The following LAMC3 variants were observed in gnomAD, a reference collection of about 807,000 sequenced individuals.
The protein encoded by LAMC3 is laminin subunit gamma 3, also known as laminin subunit gamma-3.
Under a neutral mutation model 173.8 loss-of-function variants are expected in LAMC3, and 128 were observed. The observed-to-expected ratio is 0.74, with a 90% CI of 0.64 to 0.85. The LOEUF (loss-of-function observed/expected upper bound fraction) is 0.85, where lower values mean the gene tolerates loss of function less well. Among genes scored for constraint, LAMC3 ranks in the 40% least tolerant of loss-of-function variants. The probability of loss-of-function intolerance (pLI) is 0.00; values close to 1 mark genes in which losing one functional copy is unlikely to be tolerated. For missense variants in LAMC3, 2,022 were observed against 2,156.0 expected, an observed-to-expected ratio of 0.94 and a Z score of 1.23; for synonymous variants, 897 against 909.1, an observed-to-expected ratio of 0.99 and a Z score of 0.24.
intron 16 of LAMC3, 78 bp downstream of exon 16, chr9:131,069,128 A>G: frequency 6.6e-7 from 1 of 1,514,336 alleles, no homozygotes. Context: ...CTGATGGGGA[A>G]AATGGGCGCA....
chr9:131,032,910 T>C (rs911193199), intron 3 of LAMC3, among the ~76,000 whole-genome samples: 2 of 152,202 alleles, frequency 1.3e-5, no homozygotes, highest in Admixed American at 6.5e-5. Flanking sequence ...TCAGGTGATC[T>C]GCCCGCCTTG....
chr9:131,054,454 A>G (rs1187808828), intron 11 of LAMC3, among the ~76,000 whole-genome samples: 1 of 152,184 alleles, frequency 6.6e-6, no homozygotes, highest in Non-Finnish European at 1.5e-5. Flanking sequence ...TTTTAAAAAC[A>G]TAGAAATGTG....
intron 23 of LAMC3, among the ~76,000 whole-genome samples, chr9:131,081,661 G>C (rs926804593): frequency 2.6e-5 from 4 of 152,142 alleles, no homozygotes; most frequent in Non-Finnish European, 4.4e-5. Context: ...TTTTAGTAGA[G>C]ACAGGGTTTC....
At chr9:131,017,349 C>T (rs1833541175) in intron 1 of LAMC3, among the ~76,000 whole-genome samples, 2 of 152,254 alleles carry the variant, frequency 1.3e-5, no homozygotes, top group Admixed American at 6.5e-5. Flanking sequence ...GGAAACATCC[C>T]GGCTTTTCTG....
At chr9:131,056,268 A>G (rs572785835) in intron 11 of LAMC3, among the ~76,000 whole-genome samples, 1 of 152,284 alleles carries the variant, frequency 6.6e-6, no homozygotes, top group East Asian at 1.9e-4. Context: ...GCCTAAATGT[A>G]GCATTCAGTT....
chr9:131,056,048 T>C (rs35739470), intron 11 of LAMC3, among the ~76,000 whole-genome samples: 110,417 of 151,268 alleles, frequency 0.73, 40,752 homozygotes, highest in African/African-American at 0.84. Flanking sequence ...TTTAAAAAAT[T>C]AGCTGGGTGT....
intron 6 of LAMC3, among the ~76,000 whole-genome samples, chr9:131,039,476 T>G (rs1588146350): frequency 1.3e-5 from 2 of 150,800 alleles, no homozygotes; most frequent in East Asian, 2.0e-4. Context: ...ATCTTGCAGG[T>G]GGAGGGCAGG....
intron 20 of LAMC3, among the ~76,000 whole-genome samples, chr9:131,073,929 T>C (rs982631158): frequency 5.4e-5 from 8 of 148,990 alleles, no homozygotes; most frequent in African/African-American, 1.2e-4. Context: ...TGTTTTCTTT[T>C]TTTTCTTTTC....
At chr9:131,043,365 G>A (rs138762795) in intron 7 of LAMC3, among the ~76,000 whole-genome samples, 1 of 152,298 alleles carries the variant, frequency 6.6e-6, no homozygotes, top group East Asian at 1.9e-4. Context: ...GCTGCTTGGA[G>A]AAGTGGCAGA....
chr9:131,052,529 C>T lies in LAMC3; in HGVS notation c.1669C>T (p.Pro557Ser). The change falls in exon 10 of 28, where the codon CCC becomes TCC. Residue 557 changes from proline to serine, a missense_variant. Transcript: ENST00000361069. ...AGACCAGCGGTTCAGCTATGGGCAG[C>T]CCCTCATACTGACCTTCCGGGTGCC... is the stretch of plus-strand genomic sequence containing the variant. ...LGDQRFSYGQ[P>S]LILTFRVPPG... 1 of 1,614,146 alleles carries T rather than the reference C, an allele frequency of 6.2e-7. No individual in the cohort carries two copies. Among genetic ancestry groups the T allele is most frequent in the Non-Finnish European group, 8.5e-7 (1 of 1,179,990 alleles).
chr9:131,063,638 G>A (rs539325780), intron 13 of LAMC3, among the ~76,000 whole-genome samples: 13 of 152,280 alleles, frequency 8.5e-5, no homozygotes, highest in African/African-American at 3.1e-4. Flanking sequence ...ACTCCTGCCT[G>A]CCATCCTGGC....
At chr9:131,017,948 C>A (rs1833554558) in intron 1 of LAMC3, among the ~76,000 whole-genome samples, 1 of 151,672 alleles carries the variant, frequency 6.6e-6, no homozygotes, top group Non-Finnish European at 1.5e-5. Flanking sequence ...ACCACTGGAA[C>A]CCGGGAGGCA....
At chr9:131,045,329 CA>C (rs1834134485) in intron 7 of LAMC3, among the ~76,000 whole-genome samples, 194 bp from the exon 8 acceptor site, 2 of 152,004 alleles carry the variant, frequency 1.3e-5, no homozygotes, top group African/African-American at 2.4e-5. Flanking sequence ...ATGTCAGCAT[CA>C]GGGGAGGCTG....
chr9:131,062,515 CT>C (rs1300924499), intron 13 of LAMC3, among the ~76,000 whole-genome samples: 1 of 152,160 alleles, frequency 6.6e-6, no homozygotes, highest in East Asian at 1.9e-4. Context: ...TGCTGTGCAG[CT>C]GTCACTCATC....
chr9:131,077,376 A>C, intron 22 of LAMC3, 42 bp downstream of exon 22: 3 of 1,609,700 alleles, frequency 1.9e-6, no homozygotes, highest in Middle Eastern at 1.7e-4. Context: ...GGTCGGGAGG[A>C]TCTATTATAG....
At position 131,045,246 on chromosome 9, in the gene LAMC3, C is replaced by CAAAAAA. The variant is rs71501241; in HGVS notation, c.1383-276_1383-271dup. On this transcript the variant is annotated intron_variant, in intron 7 of 27. Transcript: ENST00000361069. Reference sequence around the variant, plus strand: ...CAAAAAAAAAAAAAAACAACAACAACAAAAAAACAAAACCTAATAAAGTCT... The same window carrying CAAAAAA: ...CAAAAAAAAAAAAAAACAACAACAACAAAAAAAAAAAAACAAAACCTAATAAAGTCT... Among the ~76,000 whole-genome samples, 1,241 of 144,574 alleles carry CAAAAAA rather than the reference C, an allele frequency of 8.6e-3. 9 individuals are homozygous for CAAAAAA. The highest frequency in any genetic ancestry group is 0.024 in the African/African-American group (900 of 37,680). The allele number at this position is 144,574 out of a possible 152,430, so 94.8% of individuals were successfully genotyped here. A position where few individuals can be genotyped will look rare whatever the true frequency, so the allele number is the denominator to read the frequency against.
chr9:131,032,026 C>A lies in LAMC3; in HGVS notation c.679-19C>A. 1 of 1,614,136 alleles carries A rather than the reference C, an allele frequency of 6.2e-7. No individual in the cohort carries two copies. Among genetic ancestry groups the A allele is most frequent in the Non-Finnish European group, 8.5e-7 (1 of 1,180,016 alleles). On this transcript the variant is annotated intron_variant, in intron 2 of 27. Transcript: ENST00000361069. ...ATACTCAGGAACCTGCTGATGGCAC[C>A]CTCTCCCCTCTGCCCCAGGAGTGGG...
intron 13 of LAMC3, among the ~76,000 whole-genome samples, chr9:131,064,297 T>A (rs1829883286): frequency 6.6e-6 from 1 of 152,230 alleles, no homozygotes; most frequent in Non-Finnish European, 1.5e-5. Flanking sequence ...AGCTATTTTT[T>A]AATTATAAAA....
chr9:131,052,871 C>T lies in LAMC3; in HGVS notation c.1845C>T (p.Asp615=), dbSNP rs746126039. The T allele has an allele frequency of 1.2e-5, 19 of 1,613,442 alleles. No individual in the cohort carries two copies. Among genetic ancestry groups the T allele is most frequent in the African/African-American group, 4.0e-5 (3 of 74,870 alleles). Residue 615 remains aspartate (D), a synonymous_variant, in exon 11 of 28, where the codon GAC becomes GAT. Transcript: ENST00000361069. The part of the protein sequence containing the change: ...LRFHLQETSE[D]VAPPLPPFHF... ...CCAGCCTGCAGGAGACCTCCGAGGA[C>T]GTGGCCCCTCCACTGCCCCCCTTCC...
Sources: allele counts gnomAD v4.1 joint callset (sites outside exome capture counted in the v4.1 genomes callset), GRCh38; gene constraint gnomAD v4.1.1; transcripts MANE v1.5; gene names NCBI Gene and HGNC (gene_info 2026-07-23, HGNC 2026-07-21).